ASH1L: variants seen among roughly 807,000 people sequenced by gnomAD.
ASH1L encodes the protein histone-lysine N-methyltransferase ASH1L.
A neutral mutation model predicts 269.0 loss-of-function variants in ASH1L; 23 were observed. The ratio of observed to expected loss-of-function variants is 0.09; its 90% CI spans 0.06 to 0.12. The LOEUF is 0.12. Ranked by LOEUF, ASH1L falls within the 10% of genes least tolerant of loss-of-function variation. The pLI is 1.00. For missense variants in ASH1L, 2,912 were observed against 3,567.8 expected (o/e 0.82, Z 4.68); for synonymous variants, 1,187 against 1,253.5 (o/e 0.95, Z 1.12).
chr1:155,559,218 C>T (rs9988453), intron 1 of ASH1L, among the ~76,000 whole-genome samples: 7,435 of 152,166 alleles, frequency 0.049, 618 homozygotes, highest in African/African-American at 0.17. Flanking sequence ...TTGCCTTCTT[C>T]TCAAACCAAT....
chr1:155,346,813 T>C (rs1187008226), intron 20 of ASH1L, among the ~76,000 whole-genome samples: 1 of 152,144 alleles, frequency 6.6e-6, no homozygotes, highest in Non-Finnish European at 1.5e-5. Flanking sequence ...CTACAAAATG[T>C]TTTATTTACT....
intron 4 of ASH1L, among the ~76,000 whole-genome samples, chr1:155,443,581 T>C (rs540345915): frequency 1.3e-5 from 2 of 152,178 alleles, no homozygotes; most frequent in Non-Finnish European, 2.9e-5. Flanking sequence ...GTGTGTCCTT[T>C]CCAAGAAAAT....
chr1:155,551,303 T>C (rs551732153), intron 1 of ASH1L, among the ~76,000 whole-genome samples: 1 of 152,210 alleles, frequency 6.6e-6, no homozygotes, highest in East Asian at 1.9e-4. Context: ...TGTCACATAA[T>C]TGATTCACTT....
At chr1:155,557,808 TCAAAA>T (rs1331131138) in intron 1 of ASH1L, among the ~76,000 whole-genome samples, 2 of 151,946 alleles carry the variant, frequency 1.3e-5, no homozygotes, top group African/African-American at 4.8e-5. Flanking sequence ...GCAGCATACC[TCAAAA>T]CAAAACAAAA....
intron 3 of ASH1L, among the ~76,000 whole-genome samples, chr1:155,476,173 T>C (rs1423575722): frequency 6.6e-6 from 1 of 152,032 alleles, no homozygotes; most frequent in African/African-American, 2.4e-5. Flanking sequence ...GATCACGAGG[T>C]CAGGAGTTCG....
At chr1:155,470,097 TC>T (rs1664985272) in intron 3 of ASH1L, among the ~76,000 whole-genome samples, 3 of 152,124 alleles carry the variant, frequency 2.0e-5, no homozygotes, top group South Asian at 4.1e-4. Context: ...CCCTCCTCCT[TC>T]CCAAGACCTT....
At chr1:155,342,868 C>T (rs1470811929) in intron 24 of ASH1L, among the ~76,000 whole-genome samples, 1 of 151,940 alleles carries the variant, frequency 6.6e-6, no homozygotes, top group Non-Finnish European at 1.5e-5. Flanking sequence ...GAGTACTAAG[C>T]CCTAGGTAAA....
At chr1:155,469,567 A>G (rs1664941787) in intron 3 of ASH1L, among the ~76,000 whole-genome samples, 1 of 152,212 alleles carries the variant, frequency 6.6e-6, no homozygotes, top group Admixed American at 6.5e-5. Flanking sequence ...CATAGCCTTA[A>G]TAATAAAGTA....
At chr1:155,529,185 T>C (rs1669481593) in intron 1 of ASH1L, among the ~76,000 whole-genome samples, 1 of 152,168 alleles carries the variant, frequency 6.6e-6, no homozygotes. Flanking sequence ...TCTTTATGAT[T>C]TATATTCCTT....
intron 7 of ASH1L, 137 bp from the exon 8 acceptor site, chr1:155,380,253 A>C (rs1656816601): frequency 1.6e-6 from 1 of 614,236 alleles, no homozygotes; most frequent in Non-Finnish European, 2.8e-6. Context: ...TCCATCACCA[A>C]TTTTTAATTT....
intron 3 of ASH1L, among the ~76,000 whole-genome samples, chr1:155,471,397 T>C (rs1334794934): frequency 1.3e-5 from 2 of 152,130 alleles, no homozygotes; most frequent in Non-Finnish European, 2.9e-5. Flanking sequence ...ATCTGAAACT[T>C]TGGGTCACCC....
rs373806019 is a variant in ASH1L at position 155,489,969 on chromosome 1, A to G, written c.421-7520T>C. 2.5e-4 allele frequency among the ~76,000 whole-genome samples: 38 copies of G among 151,568 alleles called. No individual in the cohort carries two copies. In the East Asian group the frequency reaches 6.8e-3, roughly 27 times the overall value. ...AGTTACACACTAGACAATGACATGTAAGACTTTTTTTTTTTTTGAGACGGA... is the reference window on the plus strand; with the variant it reads ...AGTTACACACTAGACAATGACATGTGAGACTTTTTTTTTTTTTGAGACGGA... On this transcript the variant is annotated intron_variant, in intron 2 of 27. Transcript: ENST00000392403.
Position 155,343,019 on chromosome 1 carries a change from T to C in ASH1L, c.8293+295A>G. The C allele has an allele frequency of 4.4e-6, 1 of 229,190 alleles. No individual in the cohort carries two copies. The highest frequency in any genetic ancestry group is 8.5e-6 in the Non-Finnish European group (1 of 117,074). 14.2% of individuals were successfully genotyped at this position (229,190 alleles called of 1,614,324 possible). On this transcript the variant is annotated intron_variant, in intron 24 of 27. Coordinates refer to ENST00000392403, the MANE Select transcript of ASH1L (RefSeq NM_018489.3). This position sits in a 1 kb window ranked among gnomAD's most constrained non-coding sequence, Gnocchi z 6.1. ...GAGACATGAGGTCATTGAAGTCTTT[T>C]TTTTTTTTTTGAGGCAGGGTTTCAT...
chr1:155,444,973 C>G (rs1305835487), intron 4 of ASH1L, among the ~76,000 whole-genome samples: 1 of 151,848 alleles, frequency 6.6e-6, no homozygotes, highest in Non-Finnish European at 1.5e-5. Context: ...AATCTTTGAC[C>G]ATCCCCCAAG....
chr1:155,511,136 C>T (rs1227355545), intron 2 of ASH1L, among the ~76,000 whole-genome samples: 2 of 152,078 alleles, frequency 1.3e-5, no homozygotes, highest in Non-Finnish European at 1.5e-5. Context: ...GCAGAATAAC[C>T]TTTTCTTAAA....
At chr1:155,553,472 AATC>A (rs1671351645) in intron 1 of ASH1L, among the ~76,000 whole-genome samples, 1 of 152,196 alleles carries the variant, frequency 6.6e-6, no homozygotes, top group Non-Finnish European at 1.5e-5. Flanking sequence ...AGACACAGGA[AATC>A]ATAAGAGAAT....
intron 7 of ASH1L, among the ~76,000 whole-genome samples, chr1:155,392,661 G>C (rs1318244218): frequency 1.3e-5 from 2 of 151,932 alleles, no homozygotes; most frequent in African/African-American, 4.8e-5. Context: ...GCTAATTTTT[G>C]TATTTTTAGT....
intron 12 of ASH1L, among the ~76,000 whole-genome samples, chr1:155,366,739 T>A (rs906066766): frequency 3.3e-5 from 5 of 152,156 alleles, no homozygotes; most frequent in Admixed American, 1.3e-4. Context: ...AGTGGCACGA[T>A]CTCGGCTCAC....
intron 6 of ASH1L, among the ~76,000 whole-genome samples, chr1:155,398,878 G>A (rs1259309559): frequency 2.0e-5 from 3 of 151,928 alleles, no homozygotes; most frequent in Non-Finnish European, 2.9e-5. Flanking sequence ...ATGCTACCAC[G>A]AAGGGATGGG....
Sources: gnomAD v4.1 joint callset for allele counts (sites outside exome capture counted in the v4.1 genomes callset) on GRCh38, gnomAD v4.1.1 for gene constraint, Gnocchi (gnomAD v3.1) non-coding constraint, MANE v1.5 for transcripts, NCBI Gene and HGNC (gene_info 2026-07-23, HGNC 2026-07-21) for gene names.